GMDS: variants seen among roughly 807,000 people sequenced by gnomAD.
GMDS encodes GDP-mannose 4,6-dehydratase, also known as GDP-mannose 4,6 dehydratase.
A neutral mutation model predicts 49.9 loss-of-function variants in GMDS; 20 were observed. The observed-to-expected ratio is 0.40, with a 90% confidence interval of 0.28 to 0.58. The LOEUF is 0.58. Ranked by LOEUF, GMDS falls within the 20% of genes least tolerant of loss-of-function variation. The probability of loss-of-function intolerance (pLI) is 0.42; values close to 1 mark genes in which losing one functional copy is unlikely to be tolerated. For missense variants in GMDS, 362 were observed against 481.4 expected (o/e 0.75, Z 2.32); for synonymous variants, 177 against 178.6 (o/e 0.99, Z 0.07).
chr6:1,927,684 G>A (rs1762091548), intron 7 of GMDS, among the ~76,000 whole-genome samples: 2 of 152,138 alleles, frequency 1.3e-5, no homozygotes, highest in Non-Finnish European at 1.5e-5. Context: ...CACTCACAGT[G>A]GAGCTAGCTT....
At chr6:1,805,672 T>C (rs1336655950) in intron 7 of GMDS, among the ~76,000 whole-genome samples, 3 of 152,236 alleles carry the variant, frequency 2.0e-5, no homozygotes, top group Admixed American at 1.3e-4. Context: ...AATGCCACTT[T>C]ACTAATATTT....
At chr6:1,771,221 T>C (rs1410150799) in intron 7 of GMDS, among the ~76,000 whole-genome samples, 1 of 152,164 alleles carries the variant, frequency 6.6e-6, no homozygotes, top group African/African-American at 2.4e-5. Flanking sequence ...ACAAATCATA[T>C]TCAGTTCCAG....
chr6:2,078,650 A>G (rs1161291678), intron 4 of GMDS, among the ~76,000 whole-genome samples: 1 of 152,048 alleles, frequency 6.6e-6, no homozygotes, highest in Non-Finnish European at 1.5e-5. Flanking sequence ...TTGCGTTTTA[A>G]AAAATTGTTG....
intron 1 of GMDS, among the ~76,000 whole-genome samples, chr6:2,166,695 G>A (rs1348220302): frequency 1.3e-5 from 2 of 152,164 alleles, no homozygotes; most frequent in African/African-American, 2.4e-5. Flanking sequence ...ATCAAGTCAG[G>A]CGCTATCTTA....
intron 8 of GMDS, among the ~76,000 whole-genome samples, chr6:1,741,481 TTTGGAAAA>T (rs1326188688): frequency 6.6e-6 from 1 of 152,086 alleles, no homozygotes; most frequent in Non-Finnish European, 1.5e-5. Context: ...ATGAAAGAAA[TTTGGAAAA>T]TTTTCCAAAT....
chr6:2,172,951 T>C (rs1388165802), intron 1 of GMDS, among the ~76,000 whole-genome samples: 1 of 152,144 alleles, frequency 6.6e-6, no homozygotes, highest in Non-Finnish European at 1.5e-5. Context: ...AATATTAACA[T>C]ATTAGGCCAC....
In GMDS at chr6:1,789,152, G is replaced by A. The variant is rs145846618; in HGVS notation, c.772-46566C>T. Among the ~76,000 whole-genome samples the A allele has an allele frequency of 7.1e-4, 108 of 152,320 alleles. 1 individual carries two copies. In the East Asian group the frequency reaches 0.019, roughly 27 times the overall value. On this transcript the variant is annotated intron_variant, in intron 7 of 10. Transcript: ENST00000380815. ...GGACAGCAGGGGACGGTCTGGAAGGGCCCCAAAGGCAAAGCTTCCATGTGC... is the reference window on the plus strand; with the variant it reads ...GGACAGCAGGGGACGGTCTGGAAGGACCCCAAAGGCAAAGCTTCCATGTGC...
intron 9 of GMDS, among the ~76,000 whole-genome samples, chr6:1,681,524 C>T (rs940515807): frequency 6.6e-6 from 1 of 152,124 alleles, no homozygotes; most frequent in Non-Finnish European, 1.5e-5. Context: ...GAGGACCAGG[C>T]GGTAGACCCA....
At chr6:2,086,575 A>C (rs988686728) in intron 4 of GMDS, among the ~76,000 whole-genome samples, 6 of 152,368 alleles carry the variant, frequency 3.9e-5, no homozygotes, top group South Asian at 2.1e-4. Context: ...GGGGACTTCG[A>C]AACAACTTCA....
At chr6:2,086,790 G>GA (rs1773041551) in intron 4 of GMDS, among the ~76,000 whole-genome samples, 1 of 152,180 alleles carries the variant, frequency 6.6e-6, no homozygotes, top group Non-Finnish European at 1.5e-5. Context: ...CCAAGATTAT[G>GA]AAAGAAGGGC....
At chr6:2,163,436 TGAGA>T (rs374186618) in intron 1 of GMDS, among the ~76,000 whole-genome samples, 16,379 of 150,670 alleles carry the variant, frequency 0.11, 2,908 homozygotes, top group African/African-American at 0.38. Flanking sequence ...TGTGTGTGTG[TGAGA>T]GAGAGAGAGA....
intron 1 of GMDS, among the ~76,000 whole-genome samples, chr6:2,180,605 T>C (rs910976854): frequency 2.0e-5 from 3 of 152,176 alleles, no homozygotes; most frequent in Non-Finnish European, 4.4e-5. Flanking sequence ...CTTGAGTAAC[T>C]TGTTCCTCTG....
chr6:2,177,297 G>A (rs759654632), intron 1 of GMDS, among the ~76,000 whole-genome samples: 6 of 152,094 alleles, frequency 3.9e-5, no homozygotes, highest in African/African-American at 1.4e-4. Context: ...TGGGTTTGGG[G>A]TAGTAACTAT....
At chr6:1,739,325 G>A (rs1304518038) in intron 8 of GMDS, among the ~76,000 whole-genome samples, 1 of 152,230 alleles carries the variant, frequency 6.6e-6, no homozygotes, top group Non-Finnish European at 1.5e-5. Flanking sequence ...CCCCAGCCCT[G>A]GAAATTAAAC....
intron 1 of GMDS, among the ~76,000 whole-genome samples, chr6:2,160,607 T>C (rs1373497180): frequency 1.3e-5 from 2 of 152,212 alleles, no homozygotes; most frequent in African/African-American, 4.8e-5. Context: ...AGTGGTGCCA[T>C]CATGGCTCGC....
chr6:1,684,300 G>A (rs956171222), intron 9 of GMDS, among the ~76,000 whole-genome samples: 3 of 152,158 alleles, frequency 2.0e-5, no homozygotes, highest in Non-Finnish European at 4.4e-5. Context: ...AAAACAGCCT[G>A]AGCCTGGCCA....
intron 7 of GMDS, among the ~76,000 whole-genome samples, chr6:1,850,282 G>C (rs959580938): frequency 6.6e-6 from 1 of 152,138 alleles, no homozygotes; most frequent in Non-Finnish European, 1.5e-5. Flanking sequence ...CTATTACCCA[G>C]GTTCTGCTCA....
chr6:1,983,455 G>GA (rs1214275265), intron 4 of GMDS, among the ~76,000 whole-genome samples: 1 of 151,964 alleles, frequency 6.6e-6, no homozygotes, highest in African/African-American at 2.4e-5. Flanking sequence ...CTACAGAATG[G>GA]AAAAAAATTT....
intron 7 of GMDS, among the ~76,000 whole-genome samples, chr6:1,892,251 T>G (rs1164083038): frequency 6.6e-6 from 1 of 152,196 alleles, no homozygotes; most frequent in Non-Finnish European, 1.5e-5. Flanking sequence ...GAAATATGTC[T>G]TCCCTAGACT....
Sources: allele counts gnomAD v4.1 joint callset (sites outside exome capture counted in the v4.1 genomes callset), GRCh38; gene constraint gnomAD v4.1.1; transcripts MANE v1.5; gene names NCBI Gene and HGNC (gene_info 2026-07-23, HGNC 2026-07-21).